The following FBXL2 variants were observed in gnomAD, a reference collection of about 807,000 sequenced individuals.
FBXL2 encodes the protein F-box/LRR-repeat protein 2.
Under a neutral mutation model 69.2 loss-of-function variants are expected in FBXL2, and 38 were observed. The ratio of observed to expected loss-of-function variants is 0.55; its 90% CI spans 0.42 to 0.72. The LOEUF (loss-of-function observed/expected upper bound fraction) is 0.72, where lower values mean the gene tolerates loss of function less well. Among genes scored for constraint, FBXL2 ranks in the 30% least tolerant of loss-of-function variants. The pLI is 0.00. For synonymous variants in FBXL2, 192 were observed against 201.3 expected (o/e 0.95, Z 0.39); for missense variants, 354 against 520.3 (o/e 0.68, Z 3.11).
chr3:33,340,300 G>T (rs2039915024), intron 2 of FBXL2, among the ~76,000 whole-genome samples: 1 of 151,936 alleles, frequency 6.6e-6, no homozygotes, highest in South Asian at 2.1e-4. Context: ...TTTTGTGGGG[G>T]CGTATTTTAG....
chr3:33,415,687 T>C, the FBXL2 span, among the ~76,000 whole-genome samples: 1 of 151,970 alleles, frequency 6.6e-6, no homozygotes, highest in Non-Finnish European at 1.5e-5. Flanking sequence ...CATCAAATCC[T>C]ACTAAATTTT....
At chr3:33,395,782 A>G (rs1024708827) in intron 12 of FBXL2, among the ~76,000 whole-genome samples, 1 of 148,226 alleles carries the variant, frequency 6.7e-6, no homozygotes, top group African/African-American at 2.5e-5. Flanking sequence ...AAGAAAAAGG[A>G]AAGAAAAACC....
At chr3:33,330,934 T>C (rs967546808) in intron 2 of FBXL2, among the ~76,000 whole-genome samples, 11 of 150,748 alleles carry the variant, frequency 7.3e-5, no homozygotes, top group African/African-American at 2.4e-4. Context: ...CACACACAAA[T>C]ATATCTATAT....
At chr3:33,323,236 G>A (rs907370069) in intron 2 of FBXL2, among the ~76,000 whole-genome samples, 2 of 151,956 alleles carry the variant, frequency 1.3e-5, no homozygotes, top group Non-Finnish European at 2.9e-5. Flanking sequence ...CAGCTTCATG[G>A]TGCAGTTTTC....
Position 33,297,652 on chromosome 3 carries a change from T to C in FBXL2, c.4-12T>C, listed in dbSNP as rs1375858512. 7 of 1,531,512 alleles carry C rather than the reference T, an allele frequency of 4.6e-6. No individual in the cohort carries two copies. The highest frequency in any genetic ancestry group is 6.2e-6 in the Non-Finnish European group (7 of 1,125,012). The allele number at this position is 1,531,512 out of a possible 1,614,324, so 94.9% of individuals were successfully genotyped here. A position where few individuals can be genotyped will look rare whatever the true frequency, so the allele number is the denominator to read the frequency against. ...AACATTTTCACAATTTCCTTTTTTT[T>C]TTTCTTTCCAGGTTTTCTCAAACAA... is the stretch of plus-strand genomic sequence containing the variant. On this transcript the variant is annotated splice_polypyrimidine_tract_variant and intron_variant, in intron 1 of 14. Coordinates refer to ENST00000484457, the MANE Select transcript of FBXL2 (RefSeq NM_012157.5).
At chr3:33,332,454 T>TC (rs1267663648) in intron 2 of FBXL2, among the ~76,000 whole-genome samples, 10 of 152,144 alleles carry the variant, frequency 6.6e-5, no homozygotes, top group African/African-American at 2.4e-4. Context: ...AACTGAAAAC[T>TC]CCAACAGTAC....
At chr3:33,396,109 T>C (rs1215535365) in intron 12 of FBXL2, 1 of 1,457,778 alleles carries the variant, frequency 6.9e-7, no homozygotes, top group Non-Finnish European at 9.4e-7. Flanking sequence ...GTCCTTTCCG[T>C]TTCTGTCTGA....
chr3:33,358,664 A>T (rs776375590), intron 2 of FBXL2, among the ~76,000 whole-genome samples: 10 of 152,222 alleles, frequency 6.6e-5, no homozygotes, highest in Non-Finnish European at 1.3e-4. Context: ...TATGCTAGAG[A>T]GTTGGTCTTC....
chr3:33,335,949 A>G (rs1231103105), intron 2 of FBXL2, among the ~76,000 whole-genome samples: 2 of 152,234 alleles, frequency 1.3e-5, no homozygotes, highest in East Asian at 3.8e-4. Context: ...TTTAAGACCT[A>G]AAAAATGTTG....
intron 4 of FBXL2, among the ~76,000 whole-genome samples, chr3:33,361,017 C>T (rs1225147132): frequency 1.4e-5 from 2 of 147,064 alleles, no homozygotes; most frequent in African/African-American, 2.5e-5. Flanking sequence ...CTGCAAACTC[C>T]ACCTCCTGGG....
intron 13 of FBXL2, among the ~76,000 whole-genome samples, chr3:33,381,274 C>CT (rs2043037642): frequency 1.3e-5 from 2 of 152,228 alleles, no homozygotes; most frequent in African/African-American, 4.8e-5. Context: ...AATTGACATT[C>CT]ATACACCATC....
chr3:33,409,117 A>T, the FBXL2 span: 1 of 960,852 alleles, frequency 1.0e-6, no homozygotes, highest in Non-Finnish European at 1.6e-6. Flanking sequence ...TTCACAGAGA[A>T]TAACATGTCA....
chr3:33,301,451 C>T (rs1575123404), intron 2 of FBXL2, among the ~76,000 whole-genome samples: 2 of 152,336 alleles, frequency 1.3e-5, no homozygotes, highest in East Asian at 3.9e-4. Context: ...GAACCATTAA[C>T]AAGCATAATC....
At chr3:33,297,240 A>G (rs1047727199) in intron 1 of FBXL2, among the ~76,000 whole-genome samples, 8 of 152,196 alleles carry the variant, frequency 5.3e-5, no homozygotes, top group African/African-American at 1.7e-4. Context: ...TTATATAACT[A>G]TATTGTATAT....
intron 2 of FBXL2, among the ~76,000 whole-genome samples, chr3:33,298,646 A>G (rs894833665): frequency 3.4e-4 from 49 of 146,008 alleles, no homozygotes; most frequent in African/African-American, 1.2e-3. Context: ...CAGTGAGCCT[A>G]GCCTGTGCTA....
chr3:33,393,276 C>T (rs754622443), intron 12 of FBXL2: 1 of 1,566,636 alleles, frequency 6.4e-7, no homozygotes, highest in Admixed American at 1.9e-5. Context: ...AAAGTAAATA[C>T]CAGTCTGAAA....
At position 33,373,158 on chromosome 3, in the gene FBXL2, C is replaced by T. The variant is rs2042402782; in HGVS notation, c.357C>T (p.Asp119=). The T allele has an allele frequency of 1.2e-6, 2 of 1,613,816 alleles. No homozygotes were observed. Among genetic ancestry groups the T allele is most frequent in the East Asian group, 2.2e-5 (1 of 44,890 alleles). ...LNLNGCTKIT[D]STCYSLSRFC... ...TCAATGGATGCACAAAAATCACTGA[C>T]AGGTAAGTAATGAAGATTAATTGGT... Residue 119 remains aspartate, a splice_region_variant and synonymous_variant, in exon 6 of 15, where the codon GAC becomes GAT. Transcript: ENST00000484457.
intron 2 of FBXL2, chr3:33,303,210 T>A: frequency 2.2e-6 from 1 of 455,536 alleles, no homozygotes; most frequent in Non-Finnish European, 4.4e-6. Flanking sequence ...TTTAAGCATC[T>A]ATGCAGATTT....
At position 33,284,270 on chromosome 3, in the gene FBXL2, A is replaced by C. The variant is rs550230070; in HGVS notation, c.3+6755A>C. Among the ~76,000 whole-genome samples, 17 of 152,352 alleles carry C rather than the reference A, an allele frequency of 1.1e-4. No individual in the cohort carries two copies. The South Asian group carries it at 3.3e-3, about 30-fold the overall frequency. The stretch of plus-strand genomic sequence containing the variant: ...TTGTGTCTTTGCTCTCATTGGTTTC[A>C]AAGAACATCTTTATTTCTGCCTTCA... On this transcript the variant is annotated intron_variant, in intron 1 of 14. Coordinates refer to ENST00000484457, the MANE Select transcript of FBXL2 (RefSeq NM_012157.5).
Sources: gnomAD v4.1 joint callset for allele counts (sites outside exome capture counted in the v4.1 genomes callset) on GRCh38, gnomAD v4.1.1 for gene constraint, MANE v1.5 for transcripts, NCBI Gene and HGNC (gene_info 2026-07-23, HGNC 2026-07-21) for gene names.